HNRNPU: variants seen among roughly 807,000 people sequenced by gnomAD.
The protein encoded by HNRNPU is HNRNPU antisense RNA 1.
A neutral mutation model predicts 94.7 loss-of-function variants in HNRNPU; 5 were observed. That is an observed-to-expected ratio of 0.05 (90% CI 0.03 to 0.11). The LOEUF (loss-of-function observed/expected upper bound fraction) is 0.11, where lower values mean the gene tolerates loss of function less well. HNRNPU is among the 10% of genes least tolerant of loss of function. HNRNPU has a pLI of 1.00. For synonymous variants in HNRNPU, 434 were observed against 381.6 expected (o/e 1.14, Z -1.60); for missense variants, 710 against 1,049.2 (o/e 0.68, Z 4.47).
At chr1:244,855,748 C>T in intron 11 of HNRNPU, 140 bp from the exon 12 acceptor site, 1 of 1,248,878 alleles carries the variant, frequency 8.0e-7, no homozygotes, top group Non-Finnish European at 1.1e-6. Context: ...TAACCATTAA[C>T]ATAACCTAGG....
At chr1:244,859,171 G>A (rs1387587437) in intron 5 of HNRNPU, 104 bp downstream of exon 5, 8 of 655,932 alleles carry the variant, frequency 1.2e-5, no homozygotes, top group East Asian at 2.6e-5. Context: ...TAACAGAATA[G>A]ATAAAAACAG....
chr1:244,855,200 G>A lies in HNRNPU; in HGVS notation c.2353-156C>T, dbSNP rs535697658. ...TGGATACCCTCTGCTGGTTTCTTAT[G>A]TTTTAATTTTTTATTCATTATGAGA... On this transcript the variant is annotated intron_variant, in intron 12 of 13. Coordinates refer to ENST00000640218, the MANE Select transcript of HNRNPU (RefSeq NM_031844.3). The A allele has an allele frequency of 1.2e-5, 9 of 723,404 alleles. 1 individual carries two copies. The highest frequency in any genetic ancestry group is 1.0e-4 in the South Asian group (6 of 57,470). The allele number at this position is 723,404 out of a possible 1,614,324, so 44.8% of individuals were successfully genotyped here.
At position 244,852,004 on chromosome 1, in the gene HNRNPU, G is replaced by C. The variant is rs1296745962; in HGVS notation, c.*2446C>G. ...AGTGAAAGCACCCTTCAAATCAACAGCAATCTCACAGTGAGTTTCCTCTGG... is the reference window on the plus strand; with the variant it reads ...AGTGAAAGCACCCTTCAAATCAACACCAATCTCACAGTGAGTTTCCTCTGG... On this transcript the variant is annotated 3_prime_UTR_variant, in exon 14 of 14. Coordinates refer to ENST00000640218, the MANE Select transcript of HNRNPU (RefSeq NM_031844.3). 6.6e-6 allele frequency: 1 copy of C among 152,134 alleles called. No homozygotes were observed. Among genetic ancestry groups the C allele is most frequent in the African/African-American group, 2.4e-5 (1 of 41,412 alleles). 9.4% of individuals were successfully genotyped at this position (152,134 alleles called of 1,614,324 possible).
At position 244,852,480 on chromosome 1, in the gene HNRNPU, A is replaced by AT. The variant is rs888124223; in HGVS notation, c.*1969dup. The AT allele has an allele frequency of 1.5e-4, 23 of 152,312 alleles. No homozygotes were observed. The highest frequency in any genetic ancestry group is 5.5e-4 in the African/African-American group (23 of 41,574). The allele number at this position is 152,312 out of a possible 1,614,324, so 9.4% of individuals were successfully genotyped here. A position where few individuals can be genotyped will look rare whatever the true frequency, so the allele number is the denominator to read the frequency against. On this transcript the variant is annotated 3_prime_UTR_variant, in exon 14 of 14. Transcript: ENST00000640218. ...AGGACAACTTTAGGACACAACACTGATTAGCATCAAAACCTGAAACTGTTC... is the reference window on the plus strand; with the variant it reads ...AGGACAACTTTAGGACACAACACTGATTTAGCATCAAAACCTGAAACTGTTC...
chr1:244,861,212 T>A (rs1257998602), intron 3 of HNRNPU: 1 of 152,230 alleles, frequency 6.6e-6, no homozygotes, highest in African/African-American at 2.4e-5. Flanking sequence ...TTCTTTTTAC[T>A]GATCAGAGAA....
Position 244,864,074 on chromosome 1 carries a change from G to C in HNRNPU, c.234C>G (p.Ala78=), listed in dbSNP as rs770482398. The C allele has an allele frequency of 6.2e-7, 1 of 1,601,334 alleles. No individual in the cohort carries two copies. Among genetic ancestry groups the C allele is most frequent in the Non-Finnish European group, 8.5e-7 (1 of 1,174,376 alleles). ...GRSGAGLEQE[A]AAGGDEEEEE... is the part of the protein sequence containing the mutation. Reference sequence around the variant, plus strand: ...CCTCCTCTTCATCGCCGCCGGCCGCGGCCTCCTGCTCGAGGCCTGCTCCCG... The same window carrying C: ...CCTCCTCTTCATCGCCGCCGGCCGCCGCCTCCTGCTCGAGGCCTGCTCCCG... The change falls in exon 1 of 14, where the codon GCC becomes GCG. Residue 78 remains alanine (A), a synonymous_variant. Coordinates refer to ENST00000640218, the MANE Select transcript of HNRNPU (RefSeq NM_031844.3).
At position 244,862,737 on chromosome 1, in the gene HNRNPU, C is replaced by T. The variant is rs1315333777; in HGVS notation, c.692-7G>A. On this transcript the variant is annotated splice_polypyrimidine_tract_variant and splice_region_variant and intron_variant, in intron 1 of 13. Coordinates refer to ENST00000640218, the MANE Select transcript of HNRNPU (RefSeq NM_031844.3). Reference sequence around the variant, plus strand: ...TGTTCTGTTTTGCCGTCCCCTAAAACACACACGAGCCCCATAAAGGCCAAG... The same window carrying T: ...TGTTCTGTTTTGCCGTCCCCTAAAATACACACGAGCCCCATAAAGGCCAAG... The T allele has an allele frequency of 6.2e-6, 10 of 1,605,392 alleles. No individual in the cohort carries two copies. Among genetic ancestry groups the T allele is most frequent in the Admixed American group, 5.0e-5 (3 of 60,002 alleles).
chr1:244,859,327 G>T lies in HNRNPU; in HGVS notation c.1065C>A (p.Asp355Glu). The change falls in exon 5 of 14, where the codon GAC becomes GAA. Residue 355 changes from aspartate to glutamate, a missense_variant. Coordinates refer to ENST00000640218, the MANE Select transcript of HNRNPU (RefSeq NM_031844.3). ...PVRHLYTKDIDIHEVRIGWSL... is the reference protein window; with the variant it reads ...PVRHLYTKDIEIHEVRIGWSL... The stretch of plus-strand genomic sequence containing the variant: ...ACCAGCCAATACGAACTTCATGTAT[G>T]TCAATATCTTTTGTATATAAATGCC... 6.3e-7 allele frequency: 1 copy of T among 1,597,998 alleles called. No homozygotes were observed. The highest frequency in any genetic ancestry group is 8.6e-7 in the Non-Finnish European group (1 of 1,165,802).
At chr1:244,863,468 C>G in intron 1 of HNRNPU, 149 bp downstream of exon 1, 1 of 1,047,694 alleles carries the variant, frequency 9.5e-7, no homozygotes, top group Non-Finnish European at 1.2e-6. Context: ...CTCGGCTAAT[C>G]TGGGATTCCC....
At chr1:244,854,905 C>G in intron 13 of HNRNPU, 68 bp downstream of exon 13, 1 of 1,240,390 alleles carries the variant, frequency 8.1e-7, no homozygotes, top group Non-Finnish European at 1.2e-6. Flanking sequence ...AGATCTTTTT[C>G]AAGACTGATA....
rs1267367080 is a variant in HNRNPU at position 244,851,554 on chromosome 1, T to C, written c.*2896A>G. 2.6e-5 allele frequency: 4 copies of C among 152,236 alleles called. No homozygotes were observed. The highest frequency in any genetic ancestry group is 9.6e-5 in the African/African-American group (4 of 41,464). 9.4% of individuals were successfully genotyped at this position (152,236 alleles called of 1,614,324 possible). A position where few individuals can be genotyped will look rare whatever the true frequency, so the allele number is the denominator to read the frequency against. On this transcript the variant is annotated 3_prime_UTR_variant, in exon 14 of 14. Coordinates refer to ENST00000640218, the MANE Select transcript of HNRNPU (RefSeq NM_031844.3). ...TTCCTAGAATAATTTTATAACTTTT[T>C]CAGAGAATTCCTTTAAACTTGTTAA... is the stretch of plus-strand genomic sequence containing the variant.
rs943108981 is a variant in HNRNPU at position 244,864,461 on chromosome 1, G to A, written c.-154C>T. 2.3e-6 allele frequency: 3 copies of A among 1,306,238 alleles called. No homozygotes were observed. Among genetic ancestry groups the A allele is most frequent in the Non-Finnish European group, 3.1e-6 (3 of 967,266 alleles). 80.9% of individuals were successfully genotyped at this position (1,306,238 alleles called of 1,614,324 possible). ...GTGCTGCAGAGCGGATCCGCCTGGT[G>A]TCGAACGGCGCCAATTCCTTTCACC... On this transcript the variant is annotated 5_prime_UTR_variant, in exon 1 of 14. Transcript: ENST00000640218.
chr1:244,854,625 CCT>C (rs1429564758), intron 13 of HNRNPU, 122 bp from the exon 14 acceptor site: 7 of 696,534 alleles, frequency 1.0e-5, no homozygotes, highest in Middle Eastern at 5.1e-4. Flanking sequence ...ACCTGTCATA[CCT>C]CTGATTTCTA....
Position 244,860,486 on chromosome 1 carries a change from T to C in HNRNPU, c.878-12A>G. On this transcript the variant is annotated splice_polypyrimidine_tract_variant and intron_variant, in intron 3 of 13. Transcript: ENST00000640218. Reference sequence around the variant, plus strand: ...TAGATCACAATTATCTGTAATTATATCAAATACTGTGTTACTTTTGACATC... The same window carrying C: ...TAGATCACAATTATCTGTAATTATACCAAATACTGTGTTACTTTTGACATC... 1 of 1,581,842 alleles carries C rather than the reference T, an allele frequency of 6.3e-7. No individual in the cohort carries two copies. Among genetic ancestry groups the C allele is most frequent in the Non-Finnish European group, 8.7e-7 (1 of 1,151,706 alleles).
At chr1:244,856,374 CAT>C in intron 10 of HNRNPU, 81 bp downstream of exon 10, 1 of 1,401,198 alleles carries the variant, frequency 7.1e-7, no homozygotes, top group Non-Finnish European at 9.8e-7. Flanking sequence ...ATAGATTTAA[CAT>C]AGTTACACAA....
chr1:244,859,416 G>C, intron 4 of HNRNPU, 42 bp from the exon 5 acceptor site: 1 of 975,716 alleles, frequency 1.0e-6, no homozygotes, highest in Non-Finnish European at 1.6e-6. Context: ...ATACACCAAG[G>C]AGGTAACCCC....
In HNRNPU at chr1:244,864,116, C is replaced by G. The variant is rs1211808806; in HGVS notation, c.192G>C (p.Gly64=). 2.5e-6 allele frequency: 4 copies of G among 1,597,324 alleles called. No individual in the cohort carries two copies. Among genetic ancestry groups the G allele is most frequent in the Non-Finnish European group, 3.4e-6 (4 of 1,172,180 alleles). ...EPGNGSLDLG[G]DSAGRSGAGL... The stretch of plus-strand genomic sequence containing the variant: ...CTGCTCCCGAGCGCCCAGCGGAATC[C>G]CCGCCCAGGTCTAGGCTGCCGTTCC... Residue 64 remains glycine (G), a synonymous_variant, in exon 1 of 14, where the codon GGG becomes GGC. Transcript: ENST00000640218.
Position 244,852,389 on chromosome 1 carries a change from T to C in HNRNPU, c.*2061A>G, listed in dbSNP as rs1680570138. 6.6e-6 allele frequency: 1 copy of C among 152,180 alleles called. No individual in the cohort carries two copies. 9.4% of individuals were successfully genotyped at this position (152,180 alleles called of 1,614,324 possible). On this transcript the variant is annotated 3_prime_UTR_variant, in exon 14 of 14. Transcript: ENST00000640218. The stretch of plus-strand genomic sequence containing the variant: ...GACCATTACTTTCCCACTGCAATTA[T>C]AAAATGAATTCCTTAATAAGCAATT...
chr1:244,860,231 G>A (rs915950013), intron 4 of HNRNPU, 104 bp downstream of exon 4: 22 of 874,712 alleles, frequency 2.5e-5, no homozygotes, highest in East Asian at 1.6e-4. Flanking sequence ...AACCCAGGAC[G>A]CGGAGGTTGC....
Sources: gnomAD v4.1 joint callset for allele counts on GRCh38, gnomAD v4.1.1 for gene constraint, MANE v1.5 for transcripts, NCBI Gene and HGNC (gene_info 2026-07-23, HGNC 2026-07-21) for gene names.